The following SNX14 variants were observed in gnomAD, a reference collection of about 807,000 sequenced individuals.
SNX14 encodes the protein sorting nexin-14.
In SNX14, 93 loss-of-function variants were observed where a neutral mutation model predicts 133.8. That is an observed-to-expected ratio of 0.70 (90% CI 0.59 to 0.83). SNX14 has a LOEUF of 0.83. Ranked by LOEUF, SNX14 falls within the 40% of genes least tolerant of loss-of-function variation. The pLI, the probability that SNX14 is intolerant of heterozygous loss-of-function variation, is 0.00. For missense variants in SNX14, 945 were observed against 1,094.9 expected, an observed-to-expected ratio of 0.86 and a Z score of 1.93; for synonymous variants, 368 against 365.6, an observed-to-expected ratio of 1.01 and a Z score of -0.07.
Position 85,593,823 on chromosome 6 carries a change from C to T in SNX14, c.-105G>A, listed in dbSNP as rs1336977603. 1.3e-6 allele frequency: 2 copies of T among 1,559,936 alleles called. No homozygotes were observed. Among genetic ancestry groups the T allele is most frequent in the Non-Finnish European group, 8.6e-7 (1 of 1,159,386 alleles). On this transcript the variant is annotated 5_prime_UTR_variant, in exon 1 of 29. In the 5' UTR this introduces an upstream ATG that the reference lacks. Transcript: ENST00000314673. ...CGCCCCACCGACTTGGCGGCGCACA[C>T]AGACGCCTACCGGCAGTTAGCCGCC...
chr6:85,542,491 T>A (rs1294206766), intron 14 of SNX14, among the ~76,000 whole-genome samples: 2 of 152,068 alleles, frequency 1.3e-5, no homozygotes, highest in African/African-American at 4.8e-5. Flanking sequence ...GCCTCCCGGG[T>A]TGATGCCATT....
At chr6:85,548,870 T>C (rs1786737637) in intron 8 of SNX14, among the ~76,000 whole-genome samples, 2 of 150,920 alleles carry the variant, frequency 1.3e-5, no homozygotes, top group South Asian at 2.1e-4. Context: ...GGGAGGCTGA[T>C]GCAGGAGAAT....
chr6:85,583,887 GA>G (rs949442697), intron 1 of SNX14, among the ~76,000 whole-genome samples: 1 of 149,606 alleles, frequency 6.7e-6, no homozygotes, highest in African/African-American at 2.5e-5. Context: ...AACAGAATTA[GA>G]AAAAAAAATA....
At chr6:85,530,992 G>C (rs1344988238) in intron 18 of SNX14, among the ~76,000 whole-genome samples, 1 of 152,042 alleles carries the variant, frequency 6.6e-6, no homozygotes, top group Non-Finnish European at 1.5e-5. Context: ...CTATCCAATA[G>C]AACTTTCTGC....
At position 85,530,235 on chromosome 6, in the gene SNX14, A is replaced by C. The variant is rs374844583; in HGVS notation, c.1851T>G (p.Tyr617Ter). Residue 617 changes from tyrosine to a stop codon, truncating the protein, a stop_gained, in exon 19 of 29, where the codon TAT (tyrosine) becomes TAG (stop). Coordinates refer to ENST00000314673, the MANE Select transcript of SNX14 (RefSeq NM_153816.6). LOFTEE classifies it high-confidence loss of function. ...TTGATTCAAGTACATAGAATTCAAGATATCTTCTATAGACAGACCAATGTT... is the reference window on the plus strand; with the variant it reads ...TTGATTCAAGTACATAGAATTCAAGCTATCTTCTATAGACAGACCAATGTT... ...EPEHWSVYRR[Y>*]LEFYVLESKL... 9.4e-6 allele frequency: 15 copies of C among 1,602,882 alleles called. No homozygotes were observed. Among genetic ancestry groups the C allele is most frequent in the Non-Finnish European group, 1.3e-5 (15 of 1,175,020 alleles).
intron 12 of SNX14, among the ~76,000 whole-genome samples, chr6:85,546,641 T>C (rs1785597126): frequency 6.6e-6 from 1 of 152,088 alleles, no homozygotes; most frequent in Non-Finnish European, 1.5e-5. Context: ...AGTGGGCACT[T>C]GAGAGAAACC....
chr6:85,562,941 G>T (rs1792245661), intron 6 of SNX14, among the ~76,000 whole-genome samples: 1 of 151,978 alleles, frequency 6.6e-6, no homozygotes, highest in Admixed American at 6.6e-5. Context: ...TCAAATGTGA[G>T]AACTATACCA....
At position 85,507,991 on chromosome 6, in the gene SNX14, G is replaced by C. The variant is rs767858097; in HGVS notation, c.2722C>G (p.Gln908Glu). The change falls in exon 27 of 29, where the codon CAG (glutamine) becomes GAG (glutamate). Residue 908 changes from glutamine (Q) to glutamate (E), a missense_variant. Transcript: ENST00000314673. Reference protein sequence around the residue: ...ESIRLLFDGLQQPVLNKQLTY... With the variant: ...ESIRLLFDGLEQPVLNKQLTY... Reference sequence around the variant, plus strand: ...ACCTGCTTGTTGAGTACTGGTTGCTGTAAGCCATCAAACAGAAGTCTGATG... The same window carrying C: ...ACCTGCTTGTTGAGTACTGGTTGCTCTAAGCCATCAAACAGAAGTCTGATG... The C allele has an allele frequency of 8.7e-6, 14 of 1,613,504 alleles. No individual in the cohort carries two copies. The highest frequency in any genetic ancestry group is 1.1e-5 in the Non-Finnish European group (13 of 1,179,646).
chr6:85,558,920 C>A (rs1790631648), intron 6 of SNX14, among the ~76,000 whole-genome samples: 1 of 141,666 alleles, frequency 7.1e-6, no homozygotes. Flanking sequence ...GGCTTATATG[C>A]ACATGCAGAA....
At chr6:85,569,494 AC>A (rs1434054844) in intron 4 of SNX14, among the ~76,000 whole-genome samples, 2 of 152,220 alleles carry the variant, frequency 1.3e-5, no homozygotes, top group Admixed American at 6.5e-5. Flanking sequence ...CAGCTGCATC[AC>A]TTCCTTTTCA....
intron 18 of SNX14, among the ~76,000 whole-genome samples, chr6:85,531,424 GA>G (rs1419913805): frequency 6.6e-6 from 1 of 152,150 alleles, no homozygotes; most frequent in Non-Finnish European, 1.5e-5. Context: ...ATCTACCATA[GA>G]TTTGAGAATG....
intron 1 of SNX14, among the ~76,000 whole-genome samples, chr6:85,574,973 A>G (rs1057377532): frequency 3.3e-5 from 5 of 152,354 alleles, no homozygotes; most frequent in East Asian, 3.9e-4. Context: ...AGAAAGCAAT[A>G]TCTACAGAAA....
At chr6:85,511,990 G>C in intron 26 of SNX14, among the ~76,000 whole-genome samples, 1 of 152,176 alleles carries the variant, frequency 6.6e-6, no homozygotes, top group East Asian at 1.9e-4. Flanking sequence ...ATCTTTTAGT[G>C]AGCTTGTACC....
intron 1 of SNX14, chr6:85,589,840 C>T (rs528232075): frequency 6.6e-6 from 1 of 152,324 alleles, no homozygotes; most frequent in Admixed American, 6.5e-5. Flanking sequence ...TGGTGTAATC[C>T]TTCCAAACTT....
intron 4 of SNX14, chr6:85,568,178 A>G (rs1328525011): frequency 6.6e-6 from 1 of 152,166 alleles, no homozygotes; most frequent in Non-Finnish European, 1.5e-5. Context: ...ATCAAACAAA[A>G]AGTTAAATAA....
chr6:85,515,733 T>G (rs1195904479), intron 23 of SNX14, among the ~76,000 whole-genome samples: 1 of 152,106 alleles, frequency 6.6e-6, no homozygotes, highest in Non-Finnish European at 1.5e-5. Context: ...TTCTGATATA[T>G]TATTCCCTCT....
intron 2 of SNX14, among the ~76,000 whole-genome samples, chr6:85,572,980 G>C (rs1230732030): frequency 2.0e-5 from 3 of 152,080 alleles, no homozygotes; most frequent in Non-Finnish European, 4.4e-5. Flanking sequence ...AAAAAAGAAA[G>C]TGACACTCTA....
rs774021257 is a variant in SNX14 at position 85,548,345 on chromosome 6, A to C, written c.823T>G (p.Ser275Ala). Residue 275 changes from serine to alanine, a missense_variant, in exon 9 of 29, where the codon TCT (serine) becomes GCT (alanine). By Grantham distance (99) the Ser-to-Ala change is moderately conservative (BLOSUM62 1). Around this residue, in one of 3 missense-constraint regions of SNX14, gnomAD observed 514 missense variants for 538.8 expected, o/e 0.95. Coordinates refer to ENST00000314673, the MANE Select transcript of SNX14 (RefSeq NM_153816.6). ...AAAGAAGGAAGGAACACAGAGCCAG[A>C]CAGAATCTCTCTTATAAGTAAGGTC... ...SLTLLIREILSGSVFLPSLDF... is the reference protein window; with the variant it reads ...SLTLLIREILAGSVFLPSLDF... The C allele has an allele frequency of 6.2e-7, 1 of 1,607,962 alleles. No individual in the cohort carries two copies. The highest frequency in any genetic ancestry group is 1.7e-5 in the Admixed American group (1 of 58,894).
chr6:85,584,139 G>T (rs956781449), intron 1 of SNX14, among the ~76,000 whole-genome samples: 3 of 152,170 alleles, frequency 2.0e-5, no homozygotes, highest in African/African-American at 7.2e-5. Context: ...ACAAAAACAA[G>T]CAATGAAGAA....
Sources: allele counts gnomAD v4.1 joint callset (sites outside exome capture counted in the v4.1 genomes callset), GRCh38; gene constraint gnomAD v4.1.1; regional missense constraint gnomAD v4.1.1; transcripts MANE v1.5; gene names NCBI Gene and HGNC (gene_info 2026-07-23, HGNC 2026-07-21).